EYS: variants seen among roughly 807,000 people sequenced by gnomAD.
The protein encoded by EYS is protein eyes shut homolog.
A neutral mutation model predicts 282.1 loss-of-function variants in EYS; 250 were observed. The observed-to-expected ratio is 0.89, with a 90% CI of 0.80 to 0.98. EYS has a LOEUF of 0.98. EYS is among the 50% of genes least tolerant of loss of function. The probability of loss-of-function intolerance (pLI) is 0.00; values close to 1 mark genes in which losing one functional copy is unlikely to be tolerated. For synonymous variants in EYS, 1,355 were observed against 1,282.9 expected, an observed-to-expected ratio of 1.06 and a Z score of -1.20; for missense variants, 4,016 against 3,709.0, an observed-to-expected ratio of 1.08 and a Z score of -2.15.
intron 31 of EYS, among the ~76,000 whole-genome samples, chr6:64,180,640 A>T (rs1461305423): frequency 6.6e-6 from 1 of 152,068 alleles, no homozygotes; most frequent in African/African-American, 2.4e-5. Context: ...ATGTTTACCC[A>T]GTGTTTAGCT....
chr6:65,192,192 T>A (rs1476107402), intron 12 of EYS, among the ~76,000 whole-genome samples: 3 of 151,716 alleles, frequency 2.0e-5, no homozygotes, highest in Non-Finnish European at 4.4e-5. Context: ...CATGATTTTT[T>A]ATCATAAAAA....
chr6:65,521,789 G>C (rs1767381683), intron 2 of EYS, among the ~76,000 whole-genome samples: 1 of 152,138 alleles, frequency 6.6e-6, no homozygotes, highest in Non-Finnish European at 1.5e-5. Flanking sequence ...GCCACTCCGT[G>C]TTAAGGGTCC....
intron 30 of EYS, among the ~76,000 whole-genome samples, chr6:64,273,666 T>C (rs1768014431): frequency 1.3e-5 from 2 of 152,186 alleles, no homozygotes; most frequent in African/African-American, 4.8e-5. Context: ...GTCTCACAGA[T>C]ACTAGATTAT....
chr6:64,022,775 A>G (rs192097668), intron 33 of EYS, among the ~76,000 whole-genome samples: 32 of 152,328 alleles, frequency 2.1e-4, no homozygotes, highest in Middle Eastern at 3.4e-3. Context: ...TTTAGAGCTT[A>G]CCAGCTCCCC....
intron 12 of EYS, among the ~76,000 whole-genome samples, chr6:65,287,462 A>G (rs1451102551): frequency 6.6e-6 from 1 of 151,558 alleles, no homozygotes; most frequent in African/African-American, 2.4e-5. Context: ...ATTAGAACCA[A>G]CATCAAATAT....
intron 12 of EYS, among the ~76,000 whole-genome samples, chr6:65,202,884 T>C (rs1327281095): frequency 6.6e-6 from 1 of 152,128 alleles, no homozygotes; most frequent in African/African-American, 2.4e-5. Flanking sequence ...GAGAGGCACC[T>C]CCAACCCTTT....
At chr6:65,019,582 A>G (rs1181543590) in intron 13 of EYS, among the ~76,000 whole-genome samples, 2 of 152,232 alleles carry the variant, frequency 1.3e-5, no homozygotes, top group Non-Finnish European at 2.9e-5. Flanking sequence ...AGGTATGTTA[A>G]GCATTTCAAA....
At chr6:64,540,018 A>G (rs1387991377) in intron 26 of EYS, among the ~76,000 whole-genome samples, 3 of 152,160 alleles carry the variant, frequency 2.0e-5, no homozygotes, top group Admixed American at 6.5e-5. Flanking sequence ...GAAGAGAGGA[A>G]CCATTTCCAA....
chr6:64,025,806 C>T (rs2149823877), intron 33 of EYS, among the ~76,000 whole-genome samples: 1 of 152,326 alleles, frequency 6.6e-6, no homozygotes, highest in African/African-American at 2.4e-5. Flanking sequence ...GATCCCTTCC[C>T]TCCCTCAGGG....
chr6:64,922,391 G>A (rs1768375106), intron 15 of EYS, among the ~76,000 whole-genome samples: 1 of 152,144 alleles, frequency 6.6e-6, no homozygotes, highest in Admixed American at 6.5e-5. Flanking sequence ...ATAGACTGTT[G>A]TGTTTGTGTG....
intron 22 of EYS, among the ~76,000 whole-genome samples, chr6:64,808,600 A>C (rs559602279): frequency 6.6e-6 from 1 of 152,078 alleles, no homozygotes; most frequent in South Asian, 2.1e-4. Context: ...AGTGTAAAAA[A>C]TTATATCTAA....
At chr6:63,891,389 C>T (rs1386267781) in intron 35 of EYS, among the ~76,000 whole-genome samples, 1 of 152,054 alleles carries the variant, frequency 6.6e-6, no homozygotes, top group African/African-American at 2.4e-5. Flanking sequence ...TTATCCACGA[C>T]CATCAAGTCA....
At chr6:64,277,252 C>G (rs1768146087) in intron 30 of EYS, among the ~76,000 whole-genome samples, 1 of 152,064 alleles carries the variant, frequency 6.6e-6, no homozygotes, top group African/African-American at 2.4e-5. Flanking sequence ...GTTGCAATTT[C>G]CACAGGTGTA....
chr6:65,107,293 G>A (rs116465230), intron 12 of EYS, among the ~76,000 whole-genome samples: 8,750 of 139,626 alleles, frequency 0.063, 758 homozygotes, highest in African/African-American at 0.2. Context: ...AGTCTGGGTT[G>A]CATTTTTTTT....
At chr6:65,576,785 A>G (rs1224850391) in intron 2 of EYS, among the ~76,000 whole-genome samples, 1 of 151,822 alleles carries the variant, frequency 6.6e-6, no homozygotes, top group Non-Finnish European at 1.5e-5. Context: ...CTAACAACAA[A>G]CTATTTTTAA....
intron 2 of EYS, among the ~76,000 whole-genome samples, chr6:65,623,729 C>G (rs728880): frequency 0.36 from 54,353 of 152,084 alleles, 12,116 homozygotes; most frequent in Non-Finnish European, 0.49. Context: ...TGAATTAAAA[C>G]TAATGTATGT....
At chr6:64,531,049 A>G (rs1417373779) in intron 26 of EYS, among the ~76,000 whole-genome samples, 1 of 152,202 alleles carries the variant, frequency 6.6e-6, no homozygotes, top group East Asian at 1.9e-4. Flanking sequence ...TTCAAAAGAA[A>G]TTGAGTTCTC....
intron 33 of EYS, among the ~76,000 whole-genome samples, chr6:64,014,859 A>G (rs1320851627): frequency 2.0e-5 from 3 of 151,898 alleles, no homozygotes; most frequent in Middle Eastern, 3.4e-3. Flanking sequence ...TTTGTCAAAC[A>G]TGACTCCCCC....
intron 22 of EYS, among the ~76,000 whole-genome samples, chr6:64,672,508 A>G (rs893172899): frequency 6.6e-6 from 1 of 152,206 alleles, no homozygotes; most frequent in Non-Finnish European, 1.5e-5. Context: ...CATAAAAGAA[A>G]TAGCAGAGAG....
Sources: gnomAD v4.1 joint callset for allele counts (sites outside exome capture counted in the v4.1 genomes callset) on GRCh38, gnomAD v4.1.1 for gene constraint, MANE v1.5 for transcripts, NCBI Gene and HGNC (gene_info 2026-07-23, HGNC 2026-07-21) for gene names.